GLDN: variants seen among roughly 807,000 people sequenced by gnomAD.
GLDN encodes collomin.
A neutral mutation model predicts 56.5 loss-of-function variants in GLDN; 47 were observed. That is an observed-to-expected ratio of 0.83 (90% CI 0.66 to 1.06). The LOEUF is 1.06. GLDN is among the 50% of genes least tolerant of loss of function. The pLI is 0.00. For synonymous variants in GLDN, 332 were observed against 278.8 expected (o/e 1.19, Z -1.90); for missense variants, 782 against 714.3 (o/e 1.09, Z -1.08).
chr15:51,377,324 ACTT>A (rs1370894273), intron 1 of GLDN, 122 bp from the exon 2 acceptor site: 4 of 704,058 alleles, frequency 5.7e-6, no homozygotes, highest in Non-Finnish European at 9.7e-6. Context: ...TTTTCCTTGA[ACTT>A]CCGCGGGTTC....
chr15:51,374,882 T>C (rs2037598453), intron 1 of GLDN, among the ~76,000 whole-genome samples: 1 of 151,888 alleles, frequency 6.6e-6, no homozygotes, highest in Non-Finnish European at 1.5e-5. Flanking sequence ...GGATTATATA[T>C]GCATGCCACT....
intron 1 of GLDN, chr15:51,351,207 C>T: frequency 4.0e-6 from 1 of 250,058 alleles, no homozygotes. Context: ...GACAGGGTCT[C>T]ACTATGTTGC....
At chr15:51,397,677 C>T (rs2038165155) in intron 6 of GLDN, 79 bp downstream of exon 6, 2 of 1,376,710 alleles carry the variant, frequency 1.5e-6, no homozygotes, top group Non-Finnish European at 1.9e-6. Context: ...GGCTCTGTGA[C>T]CAGATTTGTT....
At chr15:51,402,070 C>G (rs908719968) in intron 9 of GLDN, among the ~76,000 whole-genome samples, 8 of 152,232 alleles carry the variant, frequency 5.3e-5, no homozygotes, top group African/African-American at 1.9e-4. Flanking sequence ...ATAGCTCCCC[C>G]TGGTGGAACG....
intron 4 of GLDN, among the ~76,000 whole-genome samples, chr15:51,386,981 A>G (rs1162073154): frequency 2.0e-5 from 3 of 152,128 alleles, no homozygotes; most frequent in African/African-American, 7.2e-5. Flanking sequence ...TGGCCTTGGA[A>G]AACAGGTCTG....
intron 1 of GLDN, among the ~76,000 whole-genome samples, chr15:51,365,963 C>T (rs1029343038): frequency 3.9e-5 from 6 of 152,162 alleles, no homozygotes; most frequent in African/African-American, 1.4e-4. Flanking sequence ...AAACAATTGT[C>T]CAGAATAAGT....
At chr15:51,392,174 G>C (rs1261210458) in intron 4 of GLDN, among the ~76,000 whole-genome samples, 1 of 152,194 alleles carries the variant, frequency 6.6e-6, no homozygotes, top group East Asian at 1.9e-4. Context: ...AAGAGCTCCA[G>C]GTTTACGTTT....
chr15:51,360,195 A>T (rs1455409264), intron 1 of GLDN: 1 of 152,190 alleles, frequency 6.6e-6, no homozygotes, highest in African/African-American at 2.4e-5. Context: ...AGGCTGAACG[A>T]GACAGATGAG....
chr15:51,357,242 G>A (rs758812730), intron 1 of GLDN, among the ~76,000 whole-genome samples: 4 of 152,222 alleles, frequency 2.6e-5, no homozygotes, highest in East Asian at 3.9e-4. Context: ...TTGGGTCCAC[G>A]CATTTCTCTA....
At chr15:51,382,409 G>A (rs1595825060) in intron 2 of GLDN, among the ~76,000 whole-genome samples, 1 of 152,096 alleles carries the variant, frequency 6.6e-6, no homozygotes, top group Admixed American at 6.5e-5. Flanking sequence ...TGCTTGTTTT[G>A]TGAATGGTCA....
intron 1 of GLDN, among the ~76,000 whole-genome samples, chr15:51,358,666 G>A (rs1439365071): frequency 2.0e-5 from 3 of 152,160 alleles, no homozygotes; most frequent in African/African-American, 7.2e-5. Context: ...GGATGACTAG[G>A]GGTGTGGGCA....
At chr15:51,374,736 CT>C (rs71297688) in intron 1 of GLDN, among the ~76,000 whole-genome samples, 42,286 of 109,686 alleles carry the variant, frequency 0.39, 6,771 homozygotes, top group Middle Eastern at 0.55. Flanking sequence ...CTTTCTTTTC[CT>C]TTTTTTTTTT....
chr15:51,386,321 A>T (rs917003822), intron 4 of GLDN, among the ~76,000 whole-genome samples: 8 of 152,160 alleles, frequency 5.3e-5, no homozygotes, highest in African/African-American at 1.9e-4. Flanking sequence ...GCCCAGCTCG[A>T]TGGGATCGCT....
intron 1 of GLDN, among the ~76,000 whole-genome samples, chr15:51,374,847 C>A (rs548149063): frequency 1.3e-5 from 2 of 150,914 alleles, no homozygotes; most frequent in African/African-American, 4.9e-5. Flanking sequence ...AAACAATCCT[C>A]CCACCTCAGC....
intron 1 of GLDN, among the ~76,000 whole-genome samples, chr15:51,350,174 C>T (rs1277244877): frequency 1.3e-5 from 2 of 152,190 alleles, no homozygotes; most frequent in African/African-American, 2.4e-5. Context: ...GTTCCATGTA[C>T]AGTGAGGCTG....
chr15:51,394,681 G>A (rs188268659), intron 4 of GLDN, among the ~76,000 whole-genome samples, 154 bp from the exon 5 acceptor site: 135 of 152,280 alleles, frequency 8.9e-4, no homozygotes, highest in African/African-American at 3.0e-3. Flanking sequence ...TTTAATGAAC[G>A]TATGGTCACA....
At chr15:51,380,454 C>T (rs2037733560) in intron 2 of GLDN, among the ~76,000 whole-genome samples, 1 of 152,232 alleles carries the variant, frequency 6.6e-6, no homozygotes, top group East Asian at 1.9e-4. Flanking sequence ...AGTTGGCACA[C>T]ATCATGGCAT....
intron 5 of GLDN, among the ~76,000 whole-genome samples, chr15:51,395,440 G>A (rs57782866): frequency 0.025 from 3,833 of 152,142 alleles, 116 homozygotes; most frequent in East Asian, 0.16. Context: ...AGCCCTGGTC[G>A]ACCTCAGTAG....
rs772186962 is a variant in GLDN at position 51,394,869 on chromosome 15, G to A, written c.576G>A (p.Arg192=). Residue 192 remains arginine (R), a synonymous_variant, in exon 5 of 10, where the codon AGG becomes AGA. Transcript: ENST00000335449. ...GAGCTGCAGGAAATCCAGGGGAAAGGGGAGAAAAGGGAGACCATGGTGAAC... is the reference window on the plus strand; with the variant it reads ...GAGCTGCAGGAAATCCAGGGGAAAGAGGAGAAAAGGGAGACCATGGTGAAC... ...IPGAAGNPGE[R]GEKGDHGELG... 4.3e-6 allele frequency: 7 copies of A among 1,613,648 alleles called. No individual in the cohort carries two copies. In the African/African-American group the frequency reaches 6.7e-5, roughly 15 times the overall value.
Sources: allele counts gnomAD v4.1 joint callset (sites outside exome capture counted in the v4.1 genomes callset), GRCh38; gene constraint gnomAD v4.1.1; transcripts MANE v1.5; gene names NCBI Gene and HGNC (gene_info 2026-07-23, HGNC 2026-07-21).